SLC2A9: variants seen among roughly 807,000 people sequenced by gnomAD.
The protein encoded by SLC2A9 is solute carrier family 2 member 9.
A neutral mutation model predicts 50.6 loss-of-function variants in SLC2A9; 39 were observed. The ratio of observed to expected loss-of-function variants is 0.77; its 90% confidence interval spans 0.60 to 1.01. The LOEUF is 1.01. SLC2A9 is among the 50% of genes least tolerant of loss of function. The probability of loss-of-function intolerance (pLI) is 0.00; values close to 1 mark genes in which losing one functional copy is unlikely to be tolerated. For missense variants in SLC2A9, 686 were observed against 677.6 expected (o/e 1.01, Z -0.14); for synonymous variants, 324 against 276.9 (o/e 1.17, Z -1.69).
chr4:9,972,658 C>A (rs1249326855), intron 5 of SLC2A9, among the ~76,000 whole-genome samples: 1 of 152,142 alleles, frequency 6.6e-6, no homozygotes, highest in Non-Finnish European at 1.5e-5. Context: ...CAAAACCACA[C>A]AATTACATGG....
chr4:9,782,033 CTGCCGCCA>C, intron 3 of SLC2A9: 1 of 1,465,326 alleles, frequency 6.8e-7, no homozygotes, highest in Non-Finnish European at 9.0e-7. Flanking sequence ...GCCCGAAATG[CTGCCGCCA>C]GGCAGCAACG....
intron 7 of SLC2A9, among the ~76,000 whole-genome samples, chr4:9,915,965 G>A (rs1392429400): frequency 1.3e-5 from 2 of 152,166 alleles, no homozygotes; most frequent in Non-Finnish European, 2.9e-5. Flanking sequence ...CAAATCAGAT[G>A]GACCTTCATG....
intron 5 of SLC2A9, among the ~76,000 whole-genome samples, chr4:9,963,000 T>A (rs1752509163): frequency 6.6e-6 from 1 of 152,186 alleles, no homozygotes; most frequent in Non-Finnish European, 1.5e-5. Flanking sequence ...TGCCACCTTC[T>A]CCAGAAAGCT....
Position 9,923,182 on chromosome 4 carries a change from G to C in SLC2A9, c.815-2610C>G, listed in dbSNP as rs113431107. Reference sequence around the variant, plus strand: ...GCCAGAGAAGGCAGGGGCACTCTGGGCAGGAGGCAGAAGGATGGAAAGTTG... The same window carrying C: ...GCCAGAGAAGGCAGGGGCACTCTGGCCAGGAGGCAGAAGGATGGAAAGTTG... On this transcript the variant is annotated intron_variant, in intron 6 of 11. Transcript: ENST00000264784. 3.9e-3 allele frequency among the ~76,000 whole-genome samples: 599 copies of C among 152,318 alleles called. 2 individuals are homozygous for C. The highest frequency in any genetic ancestry group is 0.013 in the African/African-American group (560 of 41,560).
intron 1 of SLC2A9, among the ~76,000 whole-genome samples, chr4:10,029,570 T>A (rs564873810): frequency 1.9e-3 from 237 of 122,550 alleles, no homozygotes; most frequent in African/African-American, 6.6e-3. Context: ...ATTTTATTTA[T>A]TTTATATTTT....
At chr4:10,013,668 T>C (rs552871986) in intron 2 of SLC2A9, among the ~76,000 whole-genome samples, 8 of 152,312 alleles carry the variant, frequency 5.3e-5, no homozygotes, top group Admixed American at 5.2e-4. Flanking sequence ...TTTCCAAATA[T>C]CTGAGGAGAG....
chr4:9,923,655 G>A lies in SLC2A9; in HGVS notation c.815-3083C>T, dbSNP rs150039611. 805 of 152,680 alleles carry A rather than the reference G, an allele frequency of 5.3e-3. 8 individuals carry two copies. Among genetic ancestry groups the A allele is most frequent in the Middle Eastern group, 0.02 (6 of 296 alleles). 9.5% of individuals were successfully genotyped at this position (152,680 alleles called of 1,614,324 possible). A position where few individuals can be genotyped will look rare whatever the true frequency, so the allele number is the denominator to read the frequency against. On this transcript the variant is annotated intron_variant, in intron 6 of 11. Coordinates refer to ENST00000264784, the MANE Select transcript of SLC2A9 (RefSeq NM_020041.3). ...AAGGGAGAGCTGGCCGTGCAGCTGA[G>A]CGTGGGAGCAGCTGGCTCAAGCAGC...
chr4:9,818,447 G>A (rs186381772), intron 3 of SLC2A9, among the ~76,000 whole-genome samples: 60 of 152,330 alleles, frequency 3.9e-4, no homozygotes, highest in Non-Finnish European at 6.9e-4. Context: ...TTGCAATAGC[G>A]GAGACAGCTT....
At chr4:9,781,429 T>C (rs1464576993) in intron 3 of SLC2A9, among the ~76,000 whole-genome samples, 1 of 152,172 alleles carries the variant, frequency 6.6e-6, no homozygotes, top group Non-Finnish European at 1.5e-5. Context: ...CACCCTTCGG[T>C]TTTCCCGGGG....
chr4:9,886,424 CTGTGTGTGTGTG>C (rs59081583), intron 10 of SLC2A9, among the ~76,000 whole-genome samples: 10,327 of 135,614 alleles, frequency 0.076, 1,122 homozygotes, highest in African/African-American at 0.23. Context: ...CCTCATAGCA[CTGTGTGTGTGTG>C]TGTGTGTGTG....
At chr4:9,784,152 GATAC>G in intron 3 of SLC2A9, 1 of 154,056 alleles carries the variant, frequency 6.5e-6, no homozygotes, top group Non-Finnish European at 1.5e-5. Flanking sequence ...TGGCCTTAAA[GATAC>G]ACCAGGGCAA....
chr4:9,986,352 A>G lies in SLC2A9; in HGVS notation c.411-559T>C, dbSNP rs553285114. On this transcript the variant is annotated intron_variant, in intron 3 of 11. Transcript: ENST00000264784. ...AATATGATTCTGGTTCTGGAAATGGACAAAAGTTGGAAGCTGGAATCAACT... is the reference window on the plus strand; with the variant it reads ...AATATGATTCTGGTTCTGGAAATGGGCAAAAGTTGGAAGCTGGAATCAACT... 4.6e-5 allele frequency among the ~76,000 whole-genome samples: 7 copies of G among 152,312 alleles called. No individual in the cohort carries two copies. The South Asian group carries it at 1.5e-3, about 32-fold the overall frequency.
chr4:9,809,369 G>C (rs1722548199), intron 3 of SLC2A9, among the ~76,000 whole-genome samples: 1 of 152,204 alleles, frequency 6.6e-6, no homozygotes, highest in African/African-American at 2.4e-5. Context: ...CACCTAGTTA[G>C]TGAGGATTGG....
chr4:9,901,320 T>C (rs1460261467), intron 8 of SLC2A9, among the ~76,000 whole-genome samples: 4 of 152,158 alleles, frequency 2.6e-5, no homozygotes, highest in East Asian at 1.9e-4. Context: ...AGAAATGCCA[T>C]AGAATCATTA....
At chr4:9,848,969 T>G (rs1429976541) in intron 10 of SLC2A9, among the ~76,000 whole-genome samples, 1 of 152,228 alleles carries the variant, frequency 6.6e-6, no homozygotes, top group Non-Finnish European at 1.5e-5. Flanking sequence ...CCCGAAGTGC[T>G]GGGATTACAG....
intron 1 of SLC2A9, among the ~76,000 whole-genome samples, chr4:10,028,266 A>G (rs939140727): frequency 6.6e-6 from 1 of 152,228 alleles, no homozygotes; most frequent in Non-Finnish European, 1.5e-5. Context: ...ACTGGGAGTA[A>G]TGTGACTCCC....
intron 6 of SLC2A9, among the ~76,000 whole-genome samples, chr4:9,938,024 C>G (rs57477583): frequency 6.6e-6 from 1 of 152,152 alleles, no homozygotes; most frequent in African/African-American, 2.4e-5. Context: ...TGTTCCCCCC[C>G]GAACATTATG....
At chr4:9,793,731 C>T (rs1426584953) in intron 3 of SLC2A9, among the ~76,000 whole-genome samples, 1 of 152,102 alleles carries the variant, frequency 6.6e-6, no homozygotes, top group Non-Finnish European at 1.5e-5. Flanking sequence ...TGCAAAGTGG[C>T]AGGAAGCCAT....
At chr4:9,984,576 CAG>C (rs1756401746) in intron 4 of SLC2A9, among the ~76,000 whole-genome samples, 1 of 152,206 alleles carries the variant, frequency 6.6e-6, no homozygotes, top group African/African-American at 2.4e-5. Context: ...GATCCAAACT[CAG>C]GGATTTCTAA....
Sources: allele counts gnomAD v4.1 joint callset (sites outside exome capture counted in the v4.1 genomes callset), GRCh38; gene constraint gnomAD v4.1.1; transcripts MANE v1.5; gene names NCBI Gene and HGNC (gene_info 2026-07-23, HGNC 2026-07-21).